HS6ST2: variants seen among roughly 807,000 people sequenced by gnomAD.
HS6ST2 encodes the protein heparan-sulfate 6-O-sulfotransferase 2.
Under a neutral mutation model 33.0 loss-of-function variants are expected in HS6ST2, and 17 were observed. That is an observed-to-expected ratio of 0.52 (90% confidence interval 0.35 to 0.77). The LOEUF (loss-of-function observed/expected upper bound fraction) is 0.77. Among genes scored for constraint, HS6ST2 ranks in the 30% least tolerant of loss-of-function variants. HS6ST2 has a pLI of 0.01. For missense variants in HS6ST2, 519 were observed against 551.7 expected (o/e 0.94, Z 0.59); for synonymous variants, 248 against 237.1 (o/e 1.05, Z -0.42).
intron 2 of HS6ST2, among the ~76,000 whole-genome samples, chrX:132,916,186 T>C (rs2066588202): frequency 9.0e-6 from 1 of 111,308 alleles, no homozygotes; most frequent in African/African-American, 3.3e-5. Flanking sequence ...GAAGCCTGAG[T>C]TCTAGCCCCA....
At chrX:132,959,166 A>G (rs976125204), upstream of HS6ST2, among the ~76,000 whole-genome samples, 1 of 111,787 alleles carries the variant, frequency 8.9e-6, no homozygotes, top group Non-Finnish European at 1.9e-5. Flanking sequence ...GTTTGAACCC[A>G]AGAAACCCAG....
At chrX:132,709,881 G>A (rs2064217208) in intron 2 of HS6ST2, among the ~76,000 whole-genome samples, 3 of 107,813 alleles carry the variant, frequency 2.8e-5, no homozygotes, top group Non-Finnish European at 5.8e-5. Flanking sequence ...GCCATATATT[G>A]ATTCCTAGGA....
chrX:132,752,573 G>A (rs932511336), intron 2 of HS6ST2, among the ~76,000 whole-genome samples: 4 of 111,056 alleles, frequency 3.6e-5, no homozygotes, highest in African/African-American at 1.3e-4. Context: ...TCACGCAGAC[G>A]CTGATCAGAA....
At chrX:132,816,318 A>G (rs1436651055) in intron 2 of HS6ST2, among the ~76,000 whole-genome samples, 2 of 112,034 alleles carry the variant, frequency 1.8e-5, no homozygotes, top group Admixed American at 1.9e-4. Context: ...TCAATTAAAG[A>G]GGTTTAACTA....
intron 3 of HS6ST2, among the ~76,000 whole-genome samples, chrX:132,678,190 C>T (rs372454446): frequency 1.8e-5 from 2 of 111,299 alleles, no homozygotes; most frequent in East Asian, 2.8e-4. Flanking sequence ...CCTGTCTCTA[C>T]AAAAACAAAA....
At chrX:132,679,231 G>A (rs894063509) in intron 3 of HS6ST2, among the ~76,000 whole-genome samples, 1 of 112,142 alleles carries the variant, frequency 8.9e-6, no homozygotes, top group African/African-American at 3.2e-5. Flanking sequence ...AAGAAGGGTT[G>A]GCAGTCTTAT....
chrX:132,841,827 C>T (rs1384944271), intron 2 of HS6ST2, among the ~76,000 whole-genome samples: 6 of 111,488 alleles, frequency 5.4e-5, no homozygotes, highest in Non-Finnish European at 9.4e-5. Context: ...TCTATAGGCC[C>T]GTCATACTAG....
intron 2 of HS6ST2, among the ~76,000 whole-genome samples, chrX:132,884,244 G>A (rs1389603347): frequency 9.0e-6 from 1 of 111,694 alleles, no homozygotes; most frequent in Admixed American, 9.5e-5. Context: ...CACCATTCAA[G>A]ATACATATAA....
intron 2 of HS6ST2, among the ~76,000 whole-genome samples, chrX:132,739,901 T>A (rs983121052): frequency 9.0e-6 from 1 of 111,728 alleles, no homozygotes. Context: ...ATGCCTTAGT[T>A]TAAGAAACAC....
intron 2 of HS6ST2, among the ~76,000 whole-genome samples, chrX:132,890,454 G>A (rs1764823912): frequency 9.4e-6 from 1 of 105,911 alleles, no homozygotes; most frequent in Admixed American, 1.0e-4. Flanking sequence ...AATTACTTGT[G>A]CACCAACCTA....
chrX:132,904,187 C>G (rs184031505), intron 2 of HS6ST2, among the ~76,000 whole-genome samples: 1 of 112,230 alleles, frequency 8.9e-6, no homozygotes, highest in Non-Finnish European at 1.9e-5. Flanking sequence ...TAATTTACCA[C>G]CTAATATAGT....
At position 132,958,448 on chromosome X, in the gene HS6ST2, G is replaced by A. The variant is rs1343137006; in HGVS notation, c.155C>T (p.Ala52Val). ...GTGAGACACACCCCTAGGAGGGCCC[G>A]CGCGAACTGAGGCGGCGACCGACCC... ...RPGSVAASVR[A>V]GPPRGVSHGF... Residue 52 changes from alanine (A) to valine (V), a missense_variant, in exon 1 of 5, where the codon GCG (alanine) becomes GTG (valine). Ala to Val is a moderately conservative substitution (Grantham distance 64). Transcript: ENST00000370833. The A allele has an allele frequency of 9.2e-6, 11 of 1,198,567 alleles. No individual in the cohort carries two copies. The African/African-American group carries it at 1.7e-4, about 19-fold the overall frequency.
At position 132,812,713 on chromosome X, in the gene HS6ST2, G is replaced by T. The variant is rs565577574; in HGVS notation, c.948-104219C>A. On this transcript the variant is annotated intron_variant, in intron 2 of 4. Transcript: ENST00000370833. ...AAAAGAGCAAGGTTTCTTACGCAGA[G>T]AATTCTAAATTAAAGAAAATAATCA... 2.7e-5 allele frequency among the ~76,000 whole-genome samples: 3 copies of T among 109,777 alleles called. No individual in the cohort carries two copies. The South Asian group carries it at 1.2e-3, about 43-fold the overall frequency.
intron 4 of HS6ST2, among the ~76,000 whole-genome samples, chrX:132,654,963 C>T (rs866219626): frequency 8.9e-6 from 1 of 112,018 alleles, no homozygotes; most frequent in African/African-American, 3.2e-5. Flanking sequence ...GTCCTCCAGC[C>T]GAGTCTCCAG....
At chrX:132,708,603 A>T in intron 2 of HS6ST2, 109 bp from the exon 3 acceptor site, 1 of 684,429 alleles carries the variant, frequency 1.5e-6, no homozygotes, top group Non-Finnish European at 2.2e-6. Context: ...CCAGCTTCCC[A>T]AACCTTAGGG....
At chrX:132,908,502 T>C (rs187954041) in intron 2 of HS6ST2, among the ~76,000 whole-genome samples, 18 of 112,689 alleles carry the variant, frequency 1.6e-4, no homozygotes, top group Non-Finnish European at 3.2e-4. Flanking sequence ...AATCTGAATG[T>C]CCATCAACCA....
chrX:132,723,151 C>G (rs770777496), intron 2 of HS6ST2, among the ~76,000 whole-genome samples: 1 of 111,344 alleles, frequency 9.0e-6, no homozygotes, highest in African/African-American at 3.3e-5. Context: ...CCTGAACAGA[C>G]CAATAGCAAG....
chrX:132,901,038 C>A (rs2066421810), intron 2 of HS6ST2, among the ~76,000 whole-genome samples: 1 of 112,252 alleles, frequency 8.9e-6, no homozygotes, highest in Admixed American at 9.4e-5. Flanking sequence ...ATGGGGGTTT[C>A]CAGCTGACAG....
chrX:132,828,691 TATAC>T (rs1198888716), intron 2 of HS6ST2, among the ~76,000 whole-genome samples: 125 of 56,322 alleles, frequency 2.2e-3, no homozygotes, highest in African/African-American at 9.1e-3. Flanking sequence ...TATATATATA[TATAC>T]ACACACACAC....
Sources: allele counts gnomAD v4.1 joint callset (sites outside exome capture counted in the v4.1 genomes callset), GRCh38; gene constraint gnomAD v4.1.1; transcripts MANE v1.5; gene names NCBI Gene and HGNC (gene_info 2026-07-23, HGNC 2026-07-21).